SLC28A2: variants seen among roughly 807,000 people sequenced by gnomAD.
The protein encoded by SLC28A2 is sodium/nucleoside cotransporter 2.
SLC28A2 carries 69 observed loss-of-function variants against 72.9 expected under a neutral mutation model. The observed-to-expected ratio is 0.95, with a 90% CI of 0.78 to 1.16. The LOEUF (loss-of-function observed/expected upper bound fraction) is 1.16, where lower values mean the gene tolerates loss of function less well. SLC28A2 is among the 50% of genes most tolerant of loss of function. The pLI, the probability that SLC28A2 is intolerant of heterozygous loss-of-function variation, is 0.00. For synonymous variants in SLC28A2, 296 were observed against 294.1 expected, an observed-to-expected ratio of 1.01 and a Z score of -0.07; for missense variants, 745 against 791.1, an observed-to-expected ratio of 0.94 and a Z score of 0.70.
chr15:45,275,448 AAGG>A lies in SLC28A2; in HGVS notation c.1915_1917del (p.Glu639del), dbSNP rs1424881642. 2.5e-6 allele frequency: 4 copies of A among 1,613,802 alleles called. No homozygotes were observed. The highest frequency in any genetic ancestry group is 3.4e-6 in the Non-Finnish European group (4 of 1,179,826). On this transcript the variant is annotated inframe_deletion, in exon 18 of 18. Transcript: ENST00000347644. ...TTCTTTTTCTGGTCCCTGGGAAGAT[AAGG>A]AGTTCAGTGCTATGGCCCTTACTAA...
At chr15:45,261,265 A>G (rs1900152838) in intron 3 of SLC28A2, among the ~76,000 whole-genome samples, 1 of 152,244 alleles carries the variant, frequency 6.6e-6, no homozygotes, top group African/African-American at 2.4e-5. Context: ...ATGATGGTTA[A>G]GAGCTCAGAT....
At chr15:45,272,165 G>A in intron 15 of SLC28A2, 130 bp from the exon 16 acceptor site, 1 of 675,862 alleles carries the variant, frequency 1.5e-6, no homozygotes, top group East Asian at 2.7e-5. Context: ...AGTCTCAGGT[G>A]GATGGTAATA....
chr15:45,269,578 C>A (rs1269414198), intron 14 of SLC28A2, 43 bp downstream of exon 14: 4 of 1,529,846 alleles, frequency 2.6e-6, no homozygotes, highest in Non-Finnish European at 3.6e-6. Flanking sequence ...GAGGTCTCAG[C>A]CATGGTTATC....
rs1900761439 is a variant in SLC28A2 at position 45,276,581 on chromosome 15, T to C, written c.*1068T>C. The stretch of plus-strand genomic sequence containing the variant: ...ATAAAAGAAAAAATAAGTATTACTA[T>C]GTCAAAAAAGTCTTACAAATCATGC... On this transcript the variant is annotated 3_prime_UTR_variant, in exon 18 of 18. Coordinates refer to ENST00000347644, the MANE Select transcript of SLC28A2 (RefSeq NM_004212.4). The C allele has an allele frequency of 6.6e-6, 1 of 152,090 alleles. No homozygotes were observed. The allele number at this position is 152,090 out of a possible 1,614,324, so 9.4% of individuals were successfully genotyped here.
intron 3 of SLC28A2, among the ~76,000 whole-genome samples, chr15:45,260,152 G>T (rs968240683): frequency 6.6e-6 from 1 of 152,180 alleles, no homozygotes; most frequent in East Asian, 1.9e-4. Flanking sequence ...GTTACTATTC[G>T]TAGGCCTGAA....
At chr15:45,260,309 TG>T (rs1900114946) in intron 3 of SLC28A2, among the ~76,000 whole-genome samples, 1 of 152,160 alleles carries the variant, frequency 6.6e-6, no homozygotes, top group Admixed American at 6.5e-5. Flanking sequence ...GGGAGTACAT[TG>T]ATGTAGTTTA....
intron 17 of SLC28A2, among the ~76,000 whole-genome samples, chr15:45,275,165 T>C (rs1900712022): frequency 1.3e-5 from 2 of 152,188 alleles, no homozygotes; most frequent in African/African-American, 4.8e-5. Flanking sequence ...AAATGGACTA[T>C]GGTTAGGAGT....
At chr15:45,256,619 G>A (rs1255587561) in intron 3 of SLC28A2, among the ~76,000 whole-genome samples, 11 of 151,770 alleles carry the variant, frequency 7.2e-5, no homozygotes. Flanking sequence ...ATCTTGGCCA[G>A]GCTGGTCTTG....
Position 45,269,376 on chromosome 15 carries a change from G to C in SLC28A2, c.1407G>C (p.Met469Ile), listed in dbSNP as rs918916920. 6.2e-7 allele frequency: 1 copy of C among 1,614,004 alleles called. No homozygotes were observed. Among genetic ancestry groups the C allele is most frequent in the Middle Eastern group, 1.6e-4 (1 of 6,062 alleles). The change falls in exon 14 of 18, where the codon ATG becomes ATC. Residue 469 changes from methionine (M) to isoleucine (I), a missense_variant. Physicochemically the swap from Met to Ile is conservative, Grantham distance 10 (BLOSUM62 1). Coordinates refer to ENST00000347644, the MANE Select transcript of SLC28A2 (RefSeq NM_004212.4). ...ATCTCCTAAGGCCCATGGTTTTCATGATGGGTGTAGAGTGGACAGACTGTC... is the reference window on the plus strand; with the variant it reads ...ATCTCCTAAGGCCCATGGTTTTCATCATGGGTGTAGAGTGGACAGACTGTC... ...CSYLLRPMVFMMGVEWTDCPM... is the reference protein window; with the variant it reads ...CSYLLRPMVFIMGVEWTDCPM...
At chr15:45,272,837 C>G (rs749859234) in intron 17 of SLC28A2, 53 bp downstream of exon 17, 1 of 923,804 alleles carries the variant, frequency 1.1e-6, no homozygotes, top group Admixed American at 1.7e-5. Context: ...CAGGTCTCCA[C>G]GGTAATGCTG....
chr15:45,263,819 C>T (rs1900237007), intron 5 of SLC28A2, 62 bp from the exon 6 acceptor site: 2 of 1,527,576 alleles, frequency 1.3e-6, no homozygotes, highest in South Asian at 2.5e-5. Flanking sequence ...TTCAGACTCT[C>T]TGTAAGTTAT....
intron 8 of SLC28A2, 132 bp downstream of exon 8, chr15:45,265,298 C>A (rs942948576): frequency 8.5e-6 from 6 of 707,264 alleles, no homozygotes; most frequent in Non-Finnish European, 1.5e-5. Flanking sequence ...GGTTTAACCC[C>A]ATCAGTAAAG....
chr15:45,265,282 C>A, intron 8 of SLC28A2, 116 bp downstream of exon 8: 1 of 775,358 alleles, frequency 1.3e-6, no homozygotes, highest in Non-Finnish European at 2.3e-6. Context: ...TTGACCCTAA[C>A]AAGAGGGTTT....
intron 5 of SLC28A2, 76 bp downstream of exon 5, chr15:45,263,320 G>A: frequency 6.9e-7 from 1 of 1,452,902 alleles, no homozygotes; most frequent in South Asian, 1.3e-5. Context: ...GATAGTTGCT[G>A]AGCAGGCTCT....
At chr15:45,260,778 AAAAGCAAAGC>A (rs903547186) in intron 3 of SLC28A2, among the ~76,000 whole-genome samples, 1 of 152,204 alleles carries the variant, frequency 6.6e-6, no homozygotes, top group South Asian at 2.1e-4. Context: ...TAAAGAGAAG[AAAAGCAAAGC>A]AAAGCAAAGC....
rs150669973 is a variant in SLC28A2 at position 45,253,429 on chromosome 15, T to C, written c.82-3T>C. On this transcript the variant is annotated splice_polypyrimidine_tract_variant and splice_region_variant and intron_variant, in intron 2 of 17. Coordinates refer to ENST00000347644, the MANE Select transcript of SLC28A2 (RefSeq NM_004212.4). ...CTGATCCCAATGCTCTCTGTGCTTG[T>C]AGGAAAAAGAAGTAGAGCCTGAGGG... 1.2e-6 allele frequency: 2 copies of C among 1,612,480 alleles called. No homozygotes were observed. Among genetic ancestry groups the C allele is most frequent in the African/African-American group, 2.7e-5 (2 of 74,950 alleles).
chr15:45,258,858 C>T (rs11632778), intron 3 of SLC28A2, among the ~76,000 whole-genome samples: 71,788 of 151,848 alleles, frequency 0.47, 20,628 homozygotes, highest in Non-Finnish European at 0.66. Flanking sequence ...TGGGTATATA[C>T]TTTGGAGTGG....
intron 1 of SLC28A2, among the ~76,000 whole-genome samples, chr15:45,252,642 A>C (rs2140554020): frequency 6.6e-6 from 1 of 152,336 alleles, no homozygotes; most frequent in Admixed American, 6.5e-5. Flanking sequence ...TTTAAATGTA[A>C]GTTTTGTTAA....
intron 4 of SLC28A2, among the ~76,000 whole-genome samples, chr15:45,262,473 G>C (rs960518400): frequency 7.2e-5 from 11 of 152,090 alleles, no homozygotes; most frequent in African/African-American, 2.7e-4. Flanking sequence ...TATATCATTG[G>C]ATATAAAATA....
Sources: allele counts gnomAD v4.1 joint callset (sites outside exome capture counted in the v4.1 genomes callset), GRCh38; gene constraint gnomAD v4.1.1; transcripts MANE v1.5; gene names NCBI Gene and HGNC (gene_info 2026-07-23, HGNC 2026-07-21).